Variants in ANXA10 observed in about 807,000 individuals in gnomAD.
ANXA10 encodes annexin A10, also known as annexin 14.
In ANXA10, 49 loss-of-function variants were observed where a neutral mutation model predicts 53.5. The ratio of observed to expected loss-of-function variants is 0.92; its 90% CI spans 0.73 to 1.16. The LOEUF is 1.16. Ranked by LOEUF, ANXA10 falls within the 50% of genes most tolerant of loss-of-function variation. The pLI is 0.00. For synonymous variants in ANXA10, 131 were observed against 128.9 expected, an observed-to-expected ratio of 1.02 and a Z score of -0.11; for missense variants, 393 against 394.4, an observed-to-expected ratio of 1.00 and a Z score of 0.03.
In ANXA10 at chr4:168,155,768, TATATC is replaced by T. The variant is rs1193487606; in HGVS notation, c.196-6755_196-6751del. Among the ~76,000 whole-genome samples the T allele has an allele frequency of 5.3e-3, 121 of 22,710 alleles. 12 individuals are homozygous for T. Among genetic ancestry groups the T allele is most frequent in the Non-Finnish European group, 7.4e-3 (109 of 14,816 alleles). 14.9% of individuals were successfully genotyped at this position (22,710 alleles called of 152,430 possible). On this transcript the variant is annotated intron_variant, in intron 3 of 11. Transcript: ENST00000359299. ...ATATTATATATTATATAATATATGA[TATATC>T]ATATATTATATATTATATATAATAT... is the stretch of plus-strand genomic sequence containing the variant.
chr4:168,101,515 G>A (rs1044789047), intron 1 of ANXA10, among the ~76,000 whole-genome samples: 13 of 136,362 alleles, frequency 9.5e-5, no homozygotes, highest in African/African-American at 2.4e-4. Context: ...GGAAGGGGAC[G>A]GGGGGAAGCT....
chr4:168,129,500 T>C (rs1731125270), intron 2 of ANXA10, among the ~76,000 whole-genome samples: 2 of 152,162 alleles, frequency 1.3e-5, no homozygotes, highest in Non-Finnish European at 2.9e-5. Context: ...TCATAATTTG[T>C]TGCTTATCAG....
At chr4:168,148,835 A>G (rs1363264445) in intron 3 of ANXA10, among the ~76,000 whole-genome samples, 1 of 151,938 alleles carries the variant, frequency 6.6e-6, no homozygotes, top group South Asian at 2.1e-4. Context: ...ATGTTAAATT[A>G]TTTCAATCTT....
At chr4:168,109,051 T>C (rs1245519238) in intron 1 of ANXA10, among the ~76,000 whole-genome samples, 9 of 152,262 alleles carry the variant, frequency 5.9e-5, no homozygotes, top group Non-Finnish European at 1.0e-4. Flanking sequence ...TCTTGGCAGC[T>C]ATTATTTTCC....
At chr4:168,118,805 A>G (rs1336434939) in intron 1 of ANXA10, among the ~76,000 whole-genome samples, 3 of 152,202 alleles carry the variant, frequency 2.0e-5, no homozygotes, top group Non-Finnish European at 2.9e-5. Context: ...AGACACCTTC[A>G]TGGTATATCC....
intron 1 of ANXA10, among the ~76,000 whole-genome samples, chr4:168,111,360 T>C (rs1437297331): frequency 6.6e-6 from 1 of 152,210 alleles, no homozygotes; most frequent in Non-Finnish European, 1.5e-5. Flanking sequence ...TCTAGATTAA[T>C]TTATGTGTAC....
chr4:168,106,291 A>T (rs756127237), intron 1 of ANXA10, among the ~76,000 whole-genome samples: 28 of 152,246 alleles, frequency 1.8e-4, no homozygotes, highest in Admixed American at 7.2e-4. Context: ...AACATTTATT[A>T]TGAATTTCTA....
chr4:168,165,779 T>C (rs961869375), intron 6 of ANXA10, among the ~76,000 whole-genome samples: 3 of 152,066 alleles, frequency 2.0e-5, no homozygotes, highest in African/African-American at 7.2e-5. Flanking sequence ...TGGGTTCAAG[T>C]GATTTTCCTG....
chr4:168,122,460 G>C (rs1731002751), intron 1 of ANXA10, among the ~76,000 whole-genome samples: 1 of 152,200 alleles, frequency 6.6e-6, no homozygotes, highest in Non-Finnish European at 1.5e-5. Context: ...ACTACTGAGA[G>C]AGAATACCTA....
intron 1 of ANXA10, among the ~76,000 whole-genome samples, chr4:168,124,228 C>A (rs1731034306): frequency 6.6e-6 from 1 of 152,080 alleles, no homozygotes; most frequent in African/African-American, 2.4e-5. Context: ...GACTCTGGAG[C>A]TAAAGCTTGA....
chr4:168,117,701 A>G (rs1476711362), intron 1 of ANXA10, among the ~76,000 whole-genome samples: 1 of 152,236 alleles, frequency 6.6e-6, no homozygotes, highest in Admixed American at 6.5e-5. Context: ...TAAATAGACC[A>G]AAGACTTCCA....
At chr4:168,118,211 A>G (rs985962066) in intron 1 of ANXA10, among the ~76,000 whole-genome samples, 1 of 140,894 alleles carries the variant, frequency 7.1e-6, no homozygotes, top group African/African-American at 3.2e-5. Flanking sequence ...AACAAGGGGG[A>G]AAAAAATGGG....
intron 1 of ANXA10, among the ~76,000 whole-genome samples, chr4:168,112,607 C>T (rs1730828913): frequency 1.3e-5 from 2 of 152,094 alleles, no homozygotes. Flanking sequence ...ATATTCCCAT[C>T]TGTATTTCTC....
intron 1 of ANXA10, among the ~76,000 whole-genome samples, chr4:168,114,830 T>A (rs1579205559): frequency 6.6e-6 from 1 of 152,172 alleles, no homozygotes; most frequent in East Asian, 1.9e-4. Flanking sequence ...TCTCATTTAT[T>A]TTTATGGCTG....
At chr4:168,161,480 C>T (rs1315420689) in intron 3 of ANXA10, among the ~76,000 whole-genome samples, 1 of 151,936 alleles carries the variant, frequency 6.6e-6, no homozygotes, top group Non-Finnish European at 1.5e-5. Flanking sequence ...TTATAGTTTG[C>T]AGTTGGGTAG....
intron 3 of ANXA10, among the ~76,000 whole-genome samples, chr4:168,154,894 T>C (rs1731575716): frequency 6.6e-6 from 1 of 152,212 alleles, no homozygotes; most frequent in African/African-American, 2.4e-5. Flanking sequence ...ATATTAAGTA[T>C]TCAGTAAATG....
Position 168,092,713 on chromosome 4 carries a change from G to A in ANXA10, c.13G>A (p.Asp5Asn). The A allele has an allele frequency of 6.3e-7, 1 of 1,588,636 alleles. No homozygotes were observed. Among genetic ancestry groups the A allele is most frequent in the South Asian group, 1.2e-5 (1 of 86,434 alleles). The change falls in exon 1 of 12, where the codon GAC becomes AAC. Residue 5 changes from aspartate to asparagine, a missense_variant. Coordinates refer to ENST00000359299, the MANE Select transcript of ANXA10 (RefSeq NM_007193.5). Reference sequence around the variant, plus strand: ...AATTACCATCAAAATGTTTTGTGGAGACTATGTGAGTATAATGCTTATTTC... The same window carrying A: ...AATTACCATCAAAATGTTTTGTGGAAACTATGTGAGTATAATGCTTATTTC... Reference protein sequence around the residue: MFCGDYVQGTIFPAP... With the variant: MFCGNYVQGTIFPAP...
chr4:168,161,415 CTGTG>C (rs768965871), intron 3 of ANXA10, among the ~76,000 whole-genome samples: 1 of 152,070 alleles, frequency 6.6e-6, no homozygotes, highest in Non-Finnish European at 1.5e-5. Context: ...TTCCATTGGT[CTGTG>C]TGTCTGTTCT....
At chr4:168,121,396 CAT>C (rs527427006) in intron 1 of ANXA10, among the ~76,000 whole-genome samples, 104 of 152,174 alleles carry the variant, frequency 6.8e-4, no homozygotes, top group Non-Finnish European at 8.2e-4. Context: ...TTATATTACA[CAT>C]GTTAGCCGTT....
Sources: gnomAD v4.1 joint callset for allele counts (sites outside exome capture counted in the v4.1 genomes callset) on GRCh38, gnomAD v4.1.1 for gene constraint, MANE v1.5 for transcripts, NCBI Gene and HGNC (gene_info 2026-07-23, HGNC 2026-07-21) for gene names.